PRKCE: variants seen among roughly 807,000 people sequenced by gnomAD.
The protein encoded by PRKCE is protein kinase C epsilon.
PRKCE carries 16 observed loss-of-function variants against 85.4 expected under a neutral mutation model. That is an observed-to-expected ratio of 0.19 (90% CI 0.13 to 0.28). PRKCE has a LOEUF of 0.28. Among genes scored for constraint, PRKCE ranks in the 10% least tolerant of loss-of-function variants. The pLI, the probability that PRKCE is intolerant of heterozygous loss-of-function variation, is 1.00. For missense variants in PRKCE, 573 were observed against 975.2 expected, an observed-to-expected ratio of 0.59 and a Z score of 5.49; for synonymous variants, 388 against 371.5, an observed-to-expected ratio of 1.04 and a Z score of -0.51.
At chr2:45,959,705 G>T (rs928498161) in intron 2 of PRKCE, among the ~76,000 whole-genome samples, 1 of 152,144 alleles carries the variant, frequency 6.6e-6, no homozygotes, top group Non-Finnish European at 1.5e-5. Flanking sequence ...AGAGGTTAAT[G>T]CCTGTGTGAT....
intron 2 of PRKCE, among the ~76,000 whole-genome samples, chr2:45,951,675 G>C (rs1470531335): frequency 6.6e-6 from 1 of 152,228 alleles, no homozygotes; most frequent in Admixed American, 6.5e-5. Context: ...ATGTAGCAAA[G>C]GCTGAGCACT....
At chr2:45,730,135 C>T (rs148967265) in intron 1 of PRKCE, among the ~76,000 whole-genome samples, 12 of 152,200 alleles carry the variant, frequency 7.9e-5, no homozygotes, top group East Asian at 1.9e-4. Flanking sequence ...CTTGAAGAGC[C>T]GTTTGGGGAC....
intron 1 of PRKCE, among the ~76,000 whole-genome samples, chr2:45,761,037 A>C (rs1352886116): frequency 1.3e-5 from 2 of 152,152 alleles, no homozygotes; most frequent in African/African-American, 4.8e-5. Context: ...TACTTAAAAA[A>C]AAATTTAAGG....
At chr2:45,655,035 G>A (rs1368079468) in intron 1 of PRKCE, among the ~76,000 whole-genome samples, 1 of 152,240 alleles carries the variant, frequency 6.6e-6, no homozygotes, top group Non-Finnish European at 1.5e-5. Context: ...GATGTGGATA[G>A]CATAAAGCAG....
intron 2 of PRKCE, among the ~76,000 whole-genome samples, chr2:45,866,877 C>G (rs962865917): frequency 2.0e-5 from 3 of 152,190 alleles, no homozygotes; most frequent in African/African-American, 7.2e-5. Flanking sequence ...ATAACATTGG[C>G]TATGCGTTAA....
chr2:45,871,301 T>C (rs1326153753), intron 2 of PRKCE, among the ~76,000 whole-genome samples: 2 of 152,194 alleles, frequency 1.3e-5, no homozygotes, highest in African/African-American at 4.8e-5. Context: ...CGGAAGGTCA[T>C]GCAGGTTCAC....
At chr2:45,761,873 T>C (rs920752120) in intron 1 of PRKCE, among the ~76,000 whole-genome samples, 1 of 152,134 alleles carries the variant, frequency 6.6e-6, no homozygotes, top group Non-Finnish European at 1.5e-5. Context: ...CATCGGTCCC[T>C]TCCAAGAATC....
At chr2:45,740,335 A>C (rs946451406) in intron 1 of PRKCE, among the ~76,000 whole-genome samples, 29 of 152,142 alleles carry the variant, frequency 1.9e-4, no homozygotes, top group African/African-American at 6.5e-4. Context: ...CAGAGGGCTT[A>C]GGGCAATATT....
At chr2:46,071,507 G>A (rs554526688) in intron 10 of PRKCE, among the ~76,000 whole-genome samples, 16 of 152,292 alleles carry the variant, frequency 1.1e-4, no homozygotes, top group Non-Finnish European at 8.8e-5. Flanking sequence ...GCTTGTTCAC[G>A]CAGCTGAGCT....
At chr2:46,083,323 G>A (rs1382138002) in intron 10 of PRKCE, among the ~76,000 whole-genome samples, 1 of 152,194 alleles carries the variant, frequency 6.6e-6, no homozygotes, top group Non-Finnish European at 1.5e-5. Flanking sequence ...TTTGCAGCCA[G>A]TGAGTGATAA....
chr2:45,849,528 G>T (rs1692072847), intron 2 of PRKCE, among the ~76,000 whole-genome samples: 1 of 152,098 alleles, frequency 6.6e-6, no homozygotes, highest in South Asian at 2.1e-4. Context: ...AATGTCACTT[G>T]AGAGGTTAAG....
intron 1 of PRKCE, among the ~76,000 whole-genome samples, chr2:45,832,184 G>C (rs140628592): frequency 2.6e-5 from 4 of 152,182 alleles, no homozygotes; most frequent in Non-Finnish European, 4.4e-5. Context: ...GGCATCCTGC[G>C]TCACATTTGT....
intron 2 of PRKCE, among the ~76,000 whole-genome samples, chr2:45,865,393 GT>G (rs1693510286): frequency 6.6e-6 from 1 of 152,178 alleles, no homozygotes; most frequent in South Asian, 2.1e-4. Flanking sequence ...AGCTCCCCAG[GT>G]GATTTGAATG....
intron 11 of PRKCE, among the ~76,000 whole-genome samples, chr2:46,100,281 G>A (rs56026310): frequency 0.26 from 40,148 of 152,018 alleles, 5,545 homozygotes; most frequent in South Asian, 0.41. Flanking sequence ...TTCATTGGCT[G>A]GTGGTCCTGT....
At chr2:45,900,069 G>A (rs1259972395) in intron 2 of PRKCE, among the ~76,000 whole-genome samples, 1 of 152,118 alleles carries the variant, frequency 6.6e-6, no homozygotes, top group East Asian at 1.9e-4. Context: ...AGATTTAAGT[G>A]GGAACGGTTG....
At position 46,159,098 on chromosome 2, in the gene PRKCE, G is replaced by A. The variant is rs1677500978; in HGVS notation, c.1921-508G>A. 6.6e-6 allele frequency among the ~76,000 whole-genome samples: 1 copy of A among 152,180 alleles called. No homozygotes were observed. On this transcript the variant is annotated intron_variant, in intron 13 of 14. Transcript: ENST00000306156. This position sits in a 1 kb window ranked among gnomAD's most constrained non-coding sequence, Gnocchi z 4.1. Reference sequence around the variant, plus strand: ...TGGGTCCAGGAACAGGAAAGGAGCTGGAGGAGGCATTAGTACATTTGATCA... The same window carrying A: ...TGGGTCCAGGAACAGGAAAGGAGCTAGAGGAGGCATTAGTACATTTGATCA...
At chr2:46,162,653 T>C (rs1409907580) in intron 14 of PRKCE, among the ~76,000 whole-genome samples, 1 of 152,172 alleles carries the variant, frequency 6.6e-6, no homozygotes, top group African/African-American at 2.4e-5. Flanking sequence ...GCTGACGTTG[T>C]GTAAGAGGTG....
In PRKCE at chr2:45,907,461, T is replaced by C. The variant is rs1489415975; in HGVS notation, c.412+64398T>C. The stretch of plus-strand genomic sequence containing the variant: ...CTCCTGTGAACAAAACCAAGACGAG[T>C]TTTGTCCCTGCCACAGAGGTAACAA... On this transcript the variant is annotated intron_variant, in intron 2 of 14. Coordinates refer to ENST00000306156, the MANE Select transcript of PRKCE (RefSeq NM_005400.3). This position sits in a 1 kb window ranked among gnomAD's most constrained non-coding sequence, Gnocchi z 4.5. Among the ~76,000 whole-genome samples the C allele has an allele frequency of 2.0e-5, 3 of 152,076 alleles. No individual in the cohort carries two copies. Among genetic ancestry groups the C allele is most frequent in the African/African-American group, 7.2e-5 (3 of 41,402 alleles).
intron 10 of PRKCE, among the ~76,000 whole-genome samples, chr2:46,020,561 C>G (rs1260557845): frequency 6.6e-6 from 1 of 152,192 alleles, no homozygotes; most frequent in Non-Finnish European, 1.5e-5. Context: ...ATTCAAGATT[C>G]TGGTATTCTG....
Sources: allele counts gnomAD v4.1 joint callset (sites outside exome capture counted in the v4.1 genomes callset), GRCh38; gene constraint gnomAD v4.1.1; non-coding constraint Gnocchi (gnomAD v3.1); transcripts MANE v1.5; gene names NCBI Gene and HGNC (gene_info 2026-07-23, HGNC 2026-07-21).